The following UBE2D2 variants were observed in gnomAD, a reference collection of about 807,000 sequenced individuals.
UBE2D2 encodes ubiquitin-conjugating enzyme E2 D2.
In UBE2D2, 2 loss-of-function variants were observed where a neutral mutation model predicts 24.2. That is an observed-to-expected ratio of 0.08 (90% confidence interval 0.03 to 0.26). UBE2D2 has a LOEUF of 0.26. UBE2D2 is among the 10% of genes least tolerant of loss of function. The pLI is 1.00. For missense variants in UBE2D2, 44 were observed against 177.6 expected (o/e 0.25, Z 4.28); for synonymous variants, 58 against 56.5 (o/e 1.03, Z -0.12).
At position 139,626,832 on chromosome 5, in the gene UBE2D2, T is replaced by G; in HGVS notation, c.*31T>G. The stretch of plus-strand genomic sequence containing the variant: ...GAAATTATTGGATAACCTCTACAAA[T>G]AAAGATAGGGGAACTCTGAAAGAGA... On this transcript the variant is annotated 3_prime_UTR_variant, in exon 7 of 7. Coordinates refer to ENST00000398733, the MANE Select transcript of UBE2D2 (RefSeq NM_003339.3). The G allele has an allele frequency of 6.3e-7, 1 of 1,585,868 alleles. No homozygotes were observed. Among genetic ancestry groups the G allele is most frequent in the Non-Finnish European group, 8.6e-7 (1 of 1,157,750 alleles).
intron 1 of UBE2D2, among the ~76,000 whole-genome samples, chr5:139,533,265 C>G (rs976172764): frequency 6.6e-6 from 1 of 151,714 alleles, no homozygotes; most frequent in African/African-American, 2.4e-5. Context: ...CTCACTACAA[C>G]CTCTGTGTTG....
chr5:139,588,478 T>C (rs372214642), intron 1 of UBE2D2, among the ~76,000 whole-genome samples: 43 of 152,318 alleles, frequency 2.8e-4, no homozygotes, highest in East Asian at 2.5e-3. Context: ...TTTTACCATG[T>C]TGGCCAGGCT....
intron 1 of UBE2D2, among the ~76,000 whole-genome samples, chr5:139,597,230 A>G (rs753068908): frequency 2.0e-4 from 30 of 151,504 alleles, no homozygotes; most frequent in Non-Finnish European, 4.0e-4. Context: ...CCCCCCTCCA[A>G]CTCCCTCCAG....
At chr5:139,567,308 C>T (rs1446836758) in intron 1 of UBE2D2, among the ~76,000 whole-genome samples, 2 of 152,054 alleles carry the variant, frequency 1.3e-5, no homozygotes, top group Non-Finnish European at 2.9e-5. Context: ...CCATATTGGC[C>T]AGGCTGGTCT....
At chr5:139,571,762 TCTCC>T (rs750439822) in intron 1 of UBE2D2, among the ~76,000 whole-genome samples, 5 of 151,440 alleles carry the variant, frequency 3.3e-5, no homozygotes, top group Admixed American at 1.3e-4. Flanking sequence ...TCCTTCCTTC[TCTCC>T]CTCCCTCCCT....
chr5:139,617,165 A>G (rs2126704387), intron 5 of UBE2D2, among the ~76,000 whole-genome samples: 1 of 151,984 alleles, frequency 6.6e-6, no homozygotes, highest in South Asian at 2.1e-4. Context: ...CCTGGGTGAC[A>G]GAGGGAGACT....
intron 5 of UBE2D2, among the ~76,000 whole-genome samples, chr5:139,615,399 G>GGT: frequency 6.6e-6 from 1 of 152,186 alleles, no homozygotes; most frequent in East Asian, 1.9e-4. Context: ...GCAGGAGAAT[G>GGT]GTGTGAACCC....
At chr5:139,601,261 G>A (rs1314246058) in intron 2 of UBE2D2, among the ~76,000 whole-genome samples, 4 of 152,088 alleles carry the variant, frequency 2.6e-5, no homozygotes, top group African/African-American at 7.2e-5. Flanking sequence ...TTAAAGAGGG[G>A]ATATTTGAAT....
At chr5:139,619,125 C>T (rs1313319799) in intron 5 of UBE2D2, among the ~76,000 whole-genome samples, 1 of 152,074 alleles carries the variant, frequency 6.6e-6, no homozygotes, top group Non-Finnish European at 1.5e-5. Flanking sequence ...ACTGGCCAGG[C>T]GCAGTGGCTC....
intron 1 of UBE2D2, among the ~76,000 whole-genome samples, chr5:139,527,204 G>T (rs909196463): frequency 6.6e-6 from 1 of 152,132 alleles, no homozygotes; most frequent in African/African-American, 2.4e-5. Context: ...TTGTTTCAAA[G>T]GTATGGCACA....
At chr5:139,533,013 C>T (rs1752616393) in intron 1 of UBE2D2, among the ~76,000 whole-genome samples, 3 of 151,340 alleles carry the variant, frequency 2.0e-5, no homozygotes, top group Non-Finnish European at 4.4e-5. Flanking sequence ...GAGGCTGAGG[C>T]TGGAGAATCA....
chr5:139,535,181 T>C (rs1462401240), intron 1 of UBE2D2, among the ~76,000 whole-genome samples: 2 of 150,320 alleles, frequency 1.3e-5, no homozygotes. Context: ...GTGTGGTGGC[T>C]CACGCCTGTA....
At chr5:139,579,784 A>C (rs939159225) in intron 1 of UBE2D2, among the ~76,000 whole-genome samples, 1 of 152,058 alleles carries the variant, frequency 6.6e-6, no homozygotes, top group East Asian at 1.9e-4. Context: ...GCGGTGGCTC[A>C]CATCTGTAAT....
At chr5:139,623,095 T>C (rs187617234) in intron 5 of UBE2D2, among the ~76,000 whole-genome samples, 3 of 151,716 alleles carry the variant, frequency 2.0e-5, no homozygotes, top group African/African-American at 4.8e-5. Flanking sequence ...CCCAGGACTT[T>C]GGGAGGCCGA....
chr5:139,615,829 A>ATTTT (rs200247238), intron 5 of UBE2D2, among the ~76,000 whole-genome samples: 73 of 95,410 alleles, frequency 7.7e-4, no homozygotes, highest in African/African-American at 2.3e-3. Flanking sequence ...AATAATCTAG[A>ATTTT]TTTTTTTTTT....
intron 1 of UBE2D2, among the ~76,000 whole-genome samples, chr5:139,582,968 C>CT (rs1199529257): frequency 3.4e-5 from 5 of 147,830 alleles, no homozygotes; most frequent in Non-Finnish European, 7.5e-5. Flanking sequence ...CTGCGCCCGG[C>CT]TTTTTTTTCT....
chr5:139,550,974 C>G (rs1280529276), intron 1 of UBE2D2, among the ~76,000 whole-genome samples: 1 of 152,180 alleles, frequency 6.6e-6, no homozygotes, highest in Non-Finnish European at 1.5e-5. Flanking sequence ...TATCATTGTA[C>G]TACACGGCTC....
intron 1 of UBE2D2, among the ~76,000 whole-genome samples, chr5:139,529,236 A>T (rs899369358): frequency 2.6e-5 from 4 of 152,088 alleles, no homozygotes; most frequent in African/African-American, 9.7e-5. Flanking sequence ...GTGTGCTATG[A>T]CCCCTCTGAA....
At chr5:139,600,009 G>A (rs1358803730) in intron 1 of UBE2D2, among the ~76,000 whole-genome samples, 1 of 151,918 alleles carries the variant, frequency 6.6e-6, no homozygotes, top group Non-Finnish European at 1.5e-5. Flanking sequence ...TGTTGGCCAG[G>A]CTGGTCTCGA....
Sources: allele counts gnomAD v4.1 joint callset (sites outside exome capture counted in the v4.1 genomes callset), GRCh38; gene constraint gnomAD v4.1.1; transcripts MANE v1.5; gene names NCBI Gene and HGNC (gene_info 2026-07-23, HGNC 2026-07-21).